The following RALGAPA1 variants were observed in gnomAD, a reference collection of about 807,000 sequenced individuals.
RALGAPA1 encodes the protein ral GTPase-activating protein subunit alpha-1.
A neutral mutation model predicts 269.6 loss-of-function variants in RALGAPA1; 52 were observed. That is an observed-to-expected ratio of 0.19 (90% CI 0.15 to 0.24). RALGAPA1 has a LOEUF of 0.24. RALGAPA1 is among the 10% of genes least tolerant of loss of function. The pLI, the probability that RALGAPA1 is intolerant of heterozygous loss-of-function variation, is 1.00. For synonymous variants in RALGAPA1, 817 were observed against 1,008.3 expected, an observed-to-expected ratio of 0.81 and a Z score of 3.60; for missense variants, 1,917 against 3,013.9, an observed-to-expected ratio of 0.64 and a Z score of 8.52.
chr14:35,613,026 C>G (rs970495665), intron 35 of RALGAPA1, among the ~76,000 whole-genome samples: 1 of 151,182 alleles, frequency 6.6e-6, no homozygotes, highest in Non-Finnish European at 1.5e-5. Flanking sequence ...CTAGAACATA[C>G]ATATAAAGAA....
intron 39 of RALGAPA1, among the ~76,000 whole-genome samples, chr14:35,558,918 C>G (rs748948412): frequency 1.6e-4 from 24 of 152,096 alleles, no homozygotes; most frequent in Non-Finnish European, 2.8e-4. Context: ...CCAGGGAACC[C>G]AAGCCTTCAT....
In RALGAPA1 at chr14:35,604,011, A is replaced by T. The variant is rs190683613; in HGVS notation, c.7053+1575T>A. On this transcript the variant is annotated intron_variant, in intron 36 of 41. Coordinates refer to ENST00000680220, the MANE Select transcript of RALGAPA1 (RefSeq NM_001346249.2). ...GAAGAGGAGATTTGAAATGTTCCCA[A>T]CACAAACAAATGATAAATGTTTGAA... Among the ~76,000 whole-genome samples, 3 of 152,274 alleles carry T rather than the reference A, an allele frequency of 2.0e-5. No homozygotes were observed. In the East Asian group the frequency reaches 5.8e-4, roughly 29 times the overall value.
Position 35,689,994 on chromosome 14 carries a change from T to C in RALGAPA1, c.2417A>G (p.Asp806Gly). 2 of 1,568,594 alleles carry C rather than the reference T, an allele frequency of 1.3e-6. No homozygotes were observed. The highest frequency in any genetic ancestry group is 2.4e-5 in the South Asian group (2 of 83,552). Residue 806 changes from aspartate to glycine, a missense_variant, in exon 18 of 42, where the codon GAT (aspartate) becomes GGT (glycine). This residue lies in a region of RALGAPA1 where 125 missense variants were observed against 155.7 expected (regional missense o/e 0.80). Coordinates refer to ENST00000680220, the MANE Select transcript of RALGAPA1 (RefSeq NM_001346249.2). ...PLSDELSDID[D>G]AQILPRSTRV... Reference sequence around the variant, plus strand: ...AGTTGAGCGGGGAAGTATTTGAGCATCATCAATATCTGTAAAAGAAAAAAA... The same window carrying C: ...AGTTGAGCGGGGAAGTATTTGAGCACCATCAATATCTGTAAAAGAAAAAAA...
intron 1 of RALGAPA1, among the ~76,000 whole-genome samples, chr14:35,780,858 G>A (rs921282347): frequency 2.0e-5 from 3 of 152,136 alleles, no homozygotes; most frequent in African/African-American, 4.8e-5. Flanking sequence ...TTGGAAGGCC[G>A]AGGCAGGAGT....
chr14:35,666,048 C>A (rs1018131125), intron 26 of RALGAPA1, among the ~76,000 whole-genome samples: 4 of 150,808 alleles, frequency 2.7e-5, no homozygotes, highest in African/African-American at 9.8e-5. Flanking sequence ...AGGAGTTTCA[C>A]TCTGTCGTGC....
chr14:35,627,921 G>C lies in RALGAPA1; in HGVS notation c.6026C>G (p.Ser2009Cys). ...TGTAATAACAGTGCGGGCTGCTATA[G>C]AGATTAATCCATGCTGCATTTGAGT... ...VKTQMQHGLISIAARTVITHL... is the reference protein window; with the variant it reads ...VKTQMQHGLICIAARTVITHL... Residue 2009 changes from serine (S) to cysteine (C), a missense_variant, in exon 34 of 42, where the codon TCT (serine) becomes TGT (cysteine). Physicochemically the swap from Ser to Cys is moderately radical, Grantham distance 112. This residue lies in a region of RALGAPA1 where 346 missense variants were observed against 566.1 expected (regional missense o/e 0.61). Transcript: ENST00000680220. 1 of 1,546,408 alleles carries C rather than the reference G, an allele frequency of 6.5e-7. No homozygotes were observed. The highest frequency in any genetic ancestry group is 8.7e-7 in the Non-Finnish European group (1 of 1,148,542).
Position 35,559,302 on chromosome 14 carries a change from TAA to T in RALGAPA1, c.7497-10070_7497-10069del, listed in dbSNP as rs529035834. Among the ~76,000 whole-genome samples, 107 of 152,348 alleles carry T rather than the reference TAA, an allele frequency of 7.0e-4. 1 individual carries two copies. The South Asian group carries it at 0.022, about 31-fold the overall frequency. On this transcript the variant is annotated intron_variant, in intron 39 of 41. Coordinates refer to ENST00000680220, the MANE Select transcript of RALGAPA1 (RefSeq NM_001346249.2). ...CTTCAATTCCTATGTCAAATATGTT[TAA>T]AGACTAATTTCTGCTTTACATCCTT...
intron 35 of RALGAPA1, 42 bp downstream of exon 35, chr14:35,625,319 C>T (rs1295381263): frequency 2.4e-6 from 3 of 1,263,962 alleles, no homozygotes; most frequent in Non-Finnish European, 3.4e-6. Flanking sequence ...AAGAGAAATA[C>T]CTGAGAGTTG....
At chr14:35,587,043 G>A (rs1455884136) in intron 37 of RALGAPA1, among the ~76,000 whole-genome samples, 1 of 152,166 alleles carries the variant, frequency 6.6e-6, no homozygotes, top group African/African-American at 2.4e-5. Flanking sequence ...AATGGTACCA[G>A]CTCCTCTTTG....
intron 34 of RALGAPA1, among the ~76,000 whole-genome samples, chr14:35,626,269 G>A (rs921900515): frequency 6.6e-5 from 10 of 152,052 alleles, no homozygotes. Context: ...TAAACACTAA[G>A]CAAACAAGCA....
At chr14:35,556,144 C>A (rs2055581491) in intron 39 of RALGAPA1, among the ~76,000 whole-genome samples, 1 of 151,984 alleles carries the variant, frequency 6.6e-6, no homozygotes, top group Admixed American at 6.6e-5. Context: ...TACACAGGGT[C>A]TTGAAAAAAG....
chr14:35,619,561 A>G (rs2060474046), intron 35 of RALGAPA1, among the ~76,000 whole-genome samples: 1 of 152,222 alleles, frequency 6.6e-6, no homozygotes, highest in African/African-American at 2.4e-5. Flanking sequence ...TGAATCCAGG[A>G]GCTGGTTTTT....
intron 1 of RALGAPA1, among the ~76,000 whole-genome samples, chr14:35,783,086 G>T (rs887988674): frequency 6.6e-6 from 1 of 151,970 alleles, no homozygotes; most frequent in African/African-American, 2.4e-5. Context: ...TACTCCCAAA[G>T]TCCTGAGATT....
At chr14:35,641,993 G>A (rs2139844537) in intron 31 of RALGAPA1, among the ~76,000 whole-genome samples, 1 of 152,172 alleles carries the variant, frequency 6.6e-6, no homozygotes, top group South Asian at 2.1e-4. Context: ...TATATATTAT[G>A]GAAAGGACAG....
At chr14:35,610,939 A>G (rs1354793638) in intron 35 of RALGAPA1, among the ~76,000 whole-genome samples, 2 of 152,258 alleles carry the variant, frequency 1.3e-5, no homozygotes, top group Non-Finnish European at 2.9e-5. Context: ...TGCAAAACTT[A>G]TATTTTGAAA....
chr14:35,562,098 A>G (rs2056305824), intron 39 of RALGAPA1, among the ~76,000 whole-genome samples: 2 of 152,342 alleles, frequency 1.3e-5, no homozygotes, highest in East Asian at 3.9e-4. Flanking sequence ...TTGATTTAAC[A>G]ACTAATCAAT....
chr14:35,785,810 G>C (rs1042475358), intron 1 of RALGAPA1, among the ~76,000 whole-genome samples: 11 of 152,158 alleles, frequency 7.2e-5, no homozygotes, highest in Non-Finnish European at 1.5e-4. Flanking sequence ...AGCTGTTGCA[G>C]AACTGTAATA....
chr14:35,702,903 C>A (rs1354515066), intron 16 of RALGAPA1, among the ~76,000 whole-genome samples: 1 of 151,658 alleles, frequency 6.6e-6, no homozygotes, highest in East Asian at 1.9e-4. Flanking sequence ...CCACGCCAGG[C>A]TAATTTTTGT....
intron 7 of RALGAPA1, among the ~76,000 whole-genome samples, chr14:35,753,254 T>C (rs778844078): frequency 4.6e-5 from 7 of 152,150 alleles, no homozygotes; most frequent in Non-Finnish European, 7.4e-5. Context: ...AGCATCAAAA[T>C]TGGTAACTGT....
Sources: gnomAD v4.1 joint callset for allele counts (sites outside exome capture counted in the v4.1 genomes callset) on GRCh38, gnomAD v4.1.1 for gene constraint, gnomAD v4.1.1 regional missense constraint, MANE v1.5 for transcripts, NCBI Gene and HGNC (gene_info 2026-07-23, HGNC 2026-07-21) for gene names.